The following TCERG1L variants were observed in gnomAD, a reference collection of about 807,000 sequenced individuals.
The protein encoded by TCERG1L is transcription elongation regulator 1-like protein.
A neutral mutation model predicts 56.3 loss-of-function variants in TCERG1L; 37 were observed. That is an observed-to-expected ratio of 0.66 (90% CI 0.51 to 0.87). TCERG1L has a LOEUF of 0.87. Ranked by LOEUF, TCERG1L falls within the 40% of genes least tolerant of loss-of-function variation. The probability of loss-of-function intolerance (pLI) is 0.00; values close to 1 mark genes in which losing one functional copy is unlikely to be tolerated. For missense variants in TCERG1L, 799 were observed against 774.2 expected, an observed-to-expected ratio of 1.03 and a Z score of -0.38; for synonymous variants, 324 against 326.3, an observed-to-expected ratio of 0.99 and a Z score of 0.08.
intron 11 of TCERG1L, chr10:131,095,095 T>G (rs1388973824): frequency 6.6e-6 from 1 of 152,628 alleles, no homozygotes; most frequent in African/African-American, 2.4e-5. Flanking sequence ...GCTCTCCCTC[T>G]GCTAAGTGGG....
At chr10:131,154,523 C>T (rs997698025) in intron 6 of TCERG1L, among the ~76,000 whole-genome samples, 13 of 152,216 alleles carry the variant, frequency 8.5e-5, no homozygotes, top group African/African-American at 2.9e-4. Context: ...ATGAAAGGGC[C>T]GCACCCAATG....
rs1177472616 is a variant in TCERG1L at position 131,308,409 on chromosome 10, A to G, written c.490-18T>C. 1 of 1,609,648 alleles carries G rather than the reference A, an allele frequency of 6.2e-7. No individual in the cohort carries two copies. The highest frequency in any genetic ancestry group is 1.1e-5 in the South Asian group (1 of 90,662). On this transcript the variant is annotated intron_variant, in intron 2 of 11. Coordinates refer to ENST00000368642, the MANE Select transcript of TCERG1L (RefSeq NM_174937.4). ...AAAAAGATCTGTCGAAAAATAATGC[A>G]AGCATAACACTGAAGGCAAGGTGCA...
chr10:131,149,068 G>A (rs1845835166), intron 6 of TCERG1L, among the ~76,000 whole-genome samples: 1 of 152,230 alleles, frequency 6.6e-6, no homozygotes, highest in African/African-American at 2.4e-5. Flanking sequence ...GACCTACCAG[G>A]TGACCCTGAG....
At chr10:131,249,797 C>T (rs1564825705) in intron 4 of TCERG1L, among the ~76,000 whole-genome samples, 1 of 152,128 alleles carries the variant, frequency 6.6e-6, no homozygotes, top group African/African-American at 2.4e-5. Context: ...CCTGAGCAGC[C>T]GAGGCTGTGC....
chr10:131,188,554 T>G (rs1296757628), intron 4 of TCERG1L, among the ~76,000 whole-genome samples: 1 of 152,210 alleles, frequency 6.6e-6, no homozygotes, highest in South Asian at 2.1e-4. Flanking sequence ...TTTCCATTAC[T>G]CCTACATTCA....
intron 3 of TCERG1L, among the ~76,000 whole-genome samples, chr10:131,270,566 G>T (rs1846329824): frequency 3.3e-5 from 5 of 152,230 alleles, no homozygotes; most frequent in Admixed American, 3.3e-4. Flanking sequence ...AGGTTGAGGA[G>T]AGGGTGCGGA....
chr10:131,197,857 A>G (rs1482530623), intron 4 of TCERG1L, among the ~76,000 whole-genome samples: 1 of 152,222 alleles, frequency 6.6e-6, no homozygotes, highest in Non-Finnish European at 1.5e-5. Context: ...ACATCACATA[A>G]TCGAGGAAAT....
intron 4 of TCERG1L, among the ~76,000 whole-genome samples, chr10:131,250,447 C>T (rs979016912): frequency 9.7e-5 from 9 of 92,542 alleles, no homozygotes; most frequent in Non-Finnish European, 1.5e-4. Flanking sequence ...TCTAAGTCAG[C>T]GCTAATCATT....
At chr10:131,288,664 T>C (rs1361054970) in intron 3 of TCERG1L, among the ~76,000 whole-genome samples, 1 of 152,140 alleles carries the variant, frequency 6.6e-6, no homozygotes, top group Non-Finnish European at 1.5e-5. Flanking sequence ...TGAGTTAAGA[T>C]GCTATCATGC....
In TCERG1L at chr10:131,311,527, G is replaced by A; in HGVS notation, c.109C>T (p.Pro37Ser). The change falls in exon 1 of 12, where the codon CCG becomes TCG. Residue 37 changes from proline (P) to serine (S), a missense_variant. Physicochemically the swap from Pro to Ser is moderately conservative, Grantham distance 74. Transcript: ENST00000368642. The surrounding 1 kb of genome is among the most constrained non-coding windows in gnomAD (Gnocchi z 4.0). ...WPMDAEPPPP[P>S]PWVWMVPGSA... The stretch of plus-strand genomic sequence containing the variant: ...CCCGGCACCATCCAGACCCAGGGCG[G>A]CGGCGGCGGCGGCTCTGCGTCCATC... The A allele has an allele frequency of 8.3e-7, 1 of 1,199,002 alleles. No homozygotes were observed. The highest frequency in any genetic ancestry group is 3.3e-4 in the Middle Eastern group (1 of 2,988). The allele number at this position is 1,199,002 out of a possible 1,614,324, so 74.3% of individuals were successfully genotyped here. A position where few individuals can be genotyped will look rare whatever the true frequency, so the allele number is the denominator to read the frequency against.
chr10:131,292,856 ATTT>A (rs34216280), intron 3 of TCERG1L, among the ~76,000 whole-genome samples: 1 of 140,854 alleles, frequency 7.1e-6, no homozygotes, highest in Admixed American at 7.0e-5. Context: ...TATTTCTGGG[ATTT>A]TTTTTTTTTT....
At chr10:131,097,387 G>A (rs550944114) in intron 11 of TCERG1L, among the ~76,000 whole-genome samples, 4 of 151,922 alleles carry the variant, frequency 2.6e-5, no homozygotes, top group South Asian at 2.1e-4. Flanking sequence ...TCACTCTGTC[G>A]CCCAGGTTGG....
At chr10:131,257,568 TG>T (rs1017694988) in intron 4 of TCERG1L, among the ~76,000 whole-genome samples, 22 of 152,318 alleles carry the variant, frequency 1.4e-4, no homozygotes, top group African/African-American at 4.8e-4. Flanking sequence ...CAGGTTTTCA[TG>T]GTGCCTTAAG....
chr10:131,203,041 G>C (rs565980603), intron 4 of TCERG1L, among the ~76,000 whole-genome samples: 4 of 152,102 alleles, frequency 2.6e-5, no homozygotes, highest in African/African-American at 9.7e-5. Flanking sequence ...AGGTCACGCC[G>C]ACACCGATGT....
intron 3 of TCERG1L, among the ~76,000 whole-genome samples, chr10:131,279,673 C>T (rs777907298): frequency 6.6e-6 from 1 of 152,204 alleles, no homozygotes; most frequent in Non-Finnish European, 1.5e-5. Context: ...TGGAGGAGCA[C>T]AGGCCACCCA....
At chr10:131,131,319 T>G (rs929670702) in intron 8 of TCERG1L, among the ~76,000 whole-genome samples, 2 of 152,004 alleles carry the variant, frequency 1.3e-5, no homozygotes, top group Non-Finnish European at 2.9e-5. Flanking sequence ...CAGAGCCCAT[T>G]TGAAAGAGTT....
chr10:131,222,097 T>C (rs1195663132), intron 4 of TCERG1L, among the ~76,000 whole-genome samples: 1 of 152,242 alleles, frequency 6.6e-6, no homozygotes, highest in Non-Finnish European at 1.5e-5. Context: ...TCCCTCAGTC[T>C]AGCAAGCCAG....
At chr10:131,155,265 G>T (rs1402844779) in intron 6 of TCERG1L, among the ~76,000 whole-genome samples, 5 of 152,212 alleles carry the variant, frequency 3.3e-5, no homozygotes, top group Admixed American at 6.5e-5. Flanking sequence ...ACTCTTAAAA[G>T]ATTTTACCAA....
chr10:131,134,738 G>T (rs1449775753), intron 7 of TCERG1L, among the ~76,000 whole-genome samples: 1 of 152,182 alleles, frequency 6.6e-6, no homozygotes, highest in Non-Finnish European at 1.5e-5. Flanking sequence ...TTACAGGTGG[G>T]CCTCTGCTCA....
Sources: allele counts gnomAD v4.1 joint callset (sites outside exome capture counted in the v4.1 genomes callset), GRCh38; gene constraint gnomAD v4.1.1; non-coding constraint Gnocchi (gnomAD v3.1); transcripts MANE v1.5; gene names NCBI Gene and HGNC (gene_info 2026-07-23, HGNC 2026-07-21).